Variants in AGAP1 observed in about 807,000 individuals in gnomAD.
AGAP1 encodes arf-GAP with GTPase, ANK repeat and PH domain-containing protein 1.
Under a neutral mutation model 105.3 loss-of-function variants are expected in AGAP1, and 29 were observed. The observed-to-expected ratio is 0.28, with a 90% CI of 0.21 to 0.38. AGAP1 has a LOEUF of 0.38. Ranked by LOEUF, AGAP1 falls within the 10% of genes least tolerant of loss-of-function variation. The pLI, the probability that AGAP1 is intolerant of heterozygous loss-of-function variation, is 1.00. For missense variants in AGAP1, 998 were observed against 1,165.1 expected (o/e 0.86, Z 2.09); for synonymous variants, 509 against 485.9 (o/e 1.05, Z -0.63).
intron 13 of AGAP1, among the ~76,000 whole-genome samples, chr2:236,034,703 G>C (rs2057326585): frequency 6.6e-6 from 1 of 152,210 alleles, no homozygotes; most frequent in African/African-American, 2.4e-5. Flanking sequence ...GTGGGTCTCA[G>C]TGCCGACACC....
intron 1 of AGAP1, among the ~76,000 whole-genome samples, chr2:235,512,932 G>A (rs1942212318): frequency 1.3e-5 from 2 of 152,328 alleles, no homozygotes; most frequent in Non-Finnish European, 2.9e-5. Flanking sequence ...CAGGGCTCCC[G>A]GCCGGCCTAG....
Position 235,986,146 on chromosome 2 carries a change from G to C in AGAP1, c.1645+17523G>C, listed in dbSNP as rs2055306066. On this transcript the variant is annotated intron_variant, in intron 13 of 17. Coordinates refer to ENST00000304032, the MANE Select transcript of AGAP1 (RefSeq NM_001037131.3). ...TTTTTGTGTCCTCTCTTATTTCCTT[G>C]AGCAGTGGTTTGTCGTTCTCCTTGC... Among the ~76,000 whole-genome samples, 3 of 151,958 alleles carry C rather than the reference G, an allele frequency of 2.0e-5. No individual in the cohort carries two copies. The South Asian group carries it at 6.2e-4, about 32-fold the overall frequency.
At chr2:235,974,103 G>A (rs2054764126) in intron 13 of AGAP1, among the ~76,000 whole-genome samples, 1 of 152,220 alleles carries the variant, frequency 6.6e-6, no homozygotes, top group African/African-American at 2.4e-5. Flanking sequence ...ATGCAAGTTT[G>A]CATTAAGTGC....
At chr2:235,616,634 A>G (rs1946315506) in intron 1 of AGAP1, among the ~76,000 whole-genome samples, 1 of 152,218 alleles carries the variant, frequency 6.6e-6, no homozygotes, top group South Asian at 2.1e-4. Context: ...ATTTGTGGGT[A>G]TAGAAAACTT....
rs189973814 is a variant in AGAP1, at chr2:235,559,966, A to G, written c.163+65117A>G. ...CCATTAATGTTCTTGATATTCTTTG[A>G]GGTACTAAAGCTTTTAATTTTAATG... On this transcript the variant is annotated intron_variant, in intron 1 of 17. Transcript: ENST00000304032. This position sits in a 1 kb window ranked among gnomAD's most constrained non-coding sequence, Gnocchi z 5.7. Among the ~76,000 whole-genome samples the G allele has an allele frequency of 6.6e-6, 1 of 152,070 alleles. No individual in the cohort carries two copies. Among genetic ancestry groups the G allele is most frequent in the Admixed American group, 6.5e-5 (1 of 15,274 alleles).
chr2:235,761,721 A>G (rs1296503252), intron 6 of AGAP1, among the ~76,000 whole-genome samples: 2 of 152,216 alleles, frequency 1.3e-5, no homozygotes, highest in South Asian at 2.1e-4. Flanking sequence ...ATAAGAGAAT[A>G]TTACTTAACT....
At position 236,081,233 on chromosome 2, in the gene AGAP1, G is replaced by C. The variant is rs554599527; in HGVS notation, c.2114+31952G>C. Among the ~76,000 whole-genome samples the C allele has an allele frequency of 7.2e-5, 11 of 152,194 alleles. No individual in the cohort carries two copies. The East Asian group carries it at 1.7e-3, about 24-fold the overall frequency. ...AAGGGAGGGTCCTGGCTAGAGTAAG[G>C]ACAGTGGGCAGGAGGCCGGGGTCCT... is the stretch of plus-strand genomic sequence containing the variant. On this transcript the variant is annotated intron_variant, in intron 16 of 17. Transcript: ENST00000304032.
intron 3 of AGAP1, among the ~76,000 whole-genome samples, chr2:235,731,414 CA>C (rs1363195577): frequency 2.0e-5 from 3 of 152,170 alleles, no homozygotes; most frequent in Non-Finnish European, 4.4e-5. Flanking sequence ...ATTTGAGAAG[CA>C]CTTGTCCAAG....
In AGAP1 at chr2:235,611,128, A is replaced by G. The variant is rs1330529791; in HGVS notation, c.164-98051A>G. ...TGCCCCGAGGGGAGGACTCTGCCCTACTGGATCCTCCACCTCTCACTTCAT... is the reference window on the plus strand; with the variant it reads ...TGCCCCGAGGGGAGGACTCTGCCCTGCTGGATCCTCCACCTCTCACTTCAT... On this transcript the variant is annotated intron_variant, in intron 1 of 17. Coordinates refer to ENST00000304032, the MANE Select transcript of AGAP1 (RefSeq NM_001037131.3). The surrounding 1 kb of genome is among the most constrained non-coding windows in gnomAD (Gnocchi z 5.0). 6.6e-6 allele frequency among the ~76,000 whole-genome samples: 1 copy of G among 152,070 alleles called. No homozygotes were observed. Among genetic ancestry groups the G allele is most frequent in the Admixed American group, 6.5e-5 (1 of 15,276 alleles).
rs1021792526 is a variant in AGAP1 at position 235,891,486 on chromosome 2, C to T, written c.1155+8037C>T. Among the ~76,000 whole-genome samples, 2 of 152,098 alleles carry T rather than the reference C, an allele frequency of 1.3e-5. No homozygotes were observed. The highest frequency in any genetic ancestry group is 4.8e-5 in the African/African-American group (2 of 41,424). Reference sequence around the variant, plus strand: ...GACCCTGAGAGTCCCTTTCTGTGGACTTAAATGTGAGCCTTAGGGAGCACC... The same window carrying T: ...GACCCTGAGAGTCCCTTTCTGTGGATTTAAATGTGAGCCTTAGGGAGCACC... On this transcript the variant is annotated intron_variant, in intron 10 of 17. Coordinates refer to ENST00000304032, the MANE Select transcript of AGAP1 (RefSeq NM_001037131.3). The surrounding 1 kb of genome is among the most constrained non-coding windows in gnomAD (Gnocchi z 4.2).
chr2:235,715,197 T>C (rs1471138846), intron 2 of AGAP1, among the ~76,000 whole-genome samples: 1 of 152,172 alleles, frequency 6.6e-6, no homozygotes, highest in African/African-American at 2.4e-5. Context: ...CCATCTCTCC[T>C]CCCTCCCATC....
chr2:235,641,518 G>T (rs969721369), intron 1 of AGAP1, among the ~76,000 whole-genome samples: 3 of 151,858 alleles, frequency 2.0e-5, no homozygotes, highest in Non-Finnish European at 4.4e-5. Flanking sequence ...ATGTCAAAAA[G>T]TTGGAGAGGC....
chr2:235,549,492 CTT>C lies in AGAP1; in HGVS notation c.163+54645_163+54646del, dbSNP rs1038620340. On this transcript the variant is annotated intron_variant, in intron 1 of 17. Coordinates refer to ENST00000304032, the MANE Select transcript of AGAP1 (RefSeq NM_001037131.3). The surrounding 1 kb of genome is among the most constrained non-coding windows in gnomAD (Gnocchi z 4.2). ...TGAGACCCTCGCTTCCAGCCTGTGCCTTTAGCCCAGCCTTGCTGTTCTAGATG... is the reference window on the plus strand; with the variant it reads ...TGAGACCCTCGCTTCCAGCCTGTGCCTAGCCCAGCCTTGCTGTTCTAGATG... Among the ~76,000 whole-genome samples the C allele has an allele frequency of 6.6e-6, 1 of 152,196 alleles. No individual in the cohort carries two copies. Among genetic ancestry groups the C allele is most frequent in the African/African-American group, 2.4e-5 (1 of 41,448 alleles).
intron 12 of AGAP1, among the ~76,000 whole-genome samples, chr2:235,933,198 T>G (rs2052808125): frequency 6.6e-6 from 1 of 152,172 alleles, no homozygotes. Flanking sequence ...TGAGAAATGC[T>G]TAAAGAACCA....
rs950450187 is a variant in AGAP1, at chr2:235,889,392, C to T, written c.1155+5943C>T. ...CACGAATACTGATCCCCAGGGACTG[C>T]GTGTCTCCCTCAGAACTGGGGCAGC... On this transcript the variant is annotated intron_variant, in intron 10 of 17. Transcript: ENST00000304032. This position sits in a 1 kb window ranked among gnomAD's most constrained non-coding sequence, Gnocchi z 4.6. Among the ~76,000 whole-genome samples the T allele has an allele frequency of 6.6e-6, 1 of 152,130 alleles. No homozygotes were observed. The highest frequency in any genetic ancestry group is 1.5e-5 in the Non-Finnish European group (1 of 68,024).
intron 1 of AGAP1, among the ~76,000 whole-genome samples, chr2:235,699,075 C>CG (rs1380846272): frequency 6.6e-6 from 1 of 151,216 alleles, no homozygotes; most frequent in African/African-American, 2.4e-5. Flanking sequence ...GACATCCCCC[C>CG]CCCCCACCCC....
intron 1 of AGAP1, among the ~76,000 whole-genome samples, chr2:235,697,741 A>G (rs1052552443): frequency 4.8e-4 from 73 of 152,246 alleles, no homozygotes; most frequent in African/African-American, 1.7e-3. Context: ...ACCATGAATT[A>G]AACAGTATGA....
chr2:235,658,502 C>G (rs183849868), intron 1 of AGAP1, among the ~76,000 whole-genome samples: 59 of 152,212 alleles, frequency 3.9e-4, no homozygotes, highest in Middle Eastern at 3.4e-3. Flanking sequence ...TGCAGCCTCC[C>G]GGGGGTCGAG....
chr2:235,674,323 TC>T (rs778587714), intron 1 of AGAP1, among the ~76,000 whole-genome samples: 30 of 152,368 alleles, frequency 2.0e-4, no homozygotes, highest in Middle Eastern at 3.4e-3. Flanking sequence ...GTCCGTTGAC[TC>T]AAGTATAATT....
Sources: gnomAD v4.1 joint callset for allele counts (sites outside exome capture counted in the v4.1 genomes callset) on GRCh38, gnomAD v4.1.1 for gene constraint, Gnocchi (gnomAD v3.1) non-coding constraint, MANE v1.5 for transcripts, NCBI Gene and HGNC (gene_info 2026-07-23, HGNC 2026-07-21) for gene names.